Variants in FAM120B observed in about 807,000 individuals in gnomAD.
The protein encoded by FAM120B is family with sequence similarity 120 member B, also known as constitutive coactivator of peroxisome proliferator-activated receptor gamma.
In FAM120B, 83 loss-of-function variants were observed where a neutral mutation model predicts 96.3. That is an observed-to-expected ratio of 0.86 (90% confidence interval 0.72 to 1.03). The LOEUF (loss-of-function observed/expected upper bound fraction) is 1.03, where lower values mean the gene tolerates loss of function less well. Ranked by LOEUF, FAM120B falls within the 50% of genes least tolerant of loss-of-function variation. The pLI is 0.00. For synonymous variants in FAM120B, 407 were observed against 402.7 expected (o/e 1.01, Z -0.13); for missense variants, 1,027 against 1,121.2 (o/e 0.92, Z 1.20).
In FAM120B at chr6:170,323,175, C is replaced by T; in HGVS notation, c.1831C>T (p.Leu611Phe). ...IECSNTLEDE[L>F]DQALPSQAFI... is the part of the protein sequence containing the mutation. The stretch of plus-strand genomic sequence containing the variant: ...ATGCAGCAACACCCTAGAAGATGAG[C>T]TTGACCAGGCCTTACCCAGCCAGGC... Residue 611 changes from leucine to phenylalanine, a missense_variant, in exon 3 of 11, where the codon CTT becomes TTT. Leu to Phe is a conservative substitution (Grantham distance 22). Coordinates refer to ENST00000476287, the MANE Select transcript of FAM120B (RefSeq NM_032448.3). The T allele has an allele frequency of 1.2e-6, 2 of 1,614,140 alleles. No homozygotes were observed. Among genetic ancestry groups the T allele is most frequent in the East Asian group, 2.2e-5 (1 of 44,870 alleles).
At chr6:170,309,625 G>A (rs1047816225) in intron 1 of FAM120B, among the ~76,000 whole-genome samples, 1 of 152,180 alleles carries the variant, frequency 6.6e-6, no homozygotes, top group Non-Finnish European at 1.5e-5. Flanking sequence ...ATAAAAGTGG[G>A]CAGTGTTAAT....
rs1301664203 is a variant in FAM120B, at chr6:170,406,496, A to T, written c.*1745A>T. On this transcript the variant is annotated 3_prime_UTR_variant, in exon 11 of 11. Coordinates refer to ENST00000476287, the MANE Select transcript of FAM120B (RefSeq NM_032448.3). Reference sequence around the variant, plus strand: ...TCTTTCCTTAAAATCCTGAGTGTTTATTAAAAAGGGACATGGTCTCTAGGT... The same window carrying T: ...TCTTTCCTTAAAATCCTGAGTGTTTTTTAAAAAGGGACATGGTCTCTAGGT... 2 of 152,358 alleles carry T rather than the reference A, an allele frequency of 1.3e-5. No homozygotes were observed. The highest frequency in any genetic ancestry group is 4.1e-4 in the South Asian group (2 of 4,828). The allele number at this position is 152,358 out of a possible 1,614,324, so 9.4% of individuals were successfully genotyped here.
chr6:170,307,702 A>G (rs906783464), intron 1 of FAM120B, among the ~76,000 whole-genome samples: 10 of 152,200 alleles, frequency 6.6e-5, no homozygotes, highest in African/African-American at 2.4e-4. Context: ...GGGGCAAGGA[A>G]GTGATGTGAT....
chr6:170,325,536 A>T lies in FAM120B; in HGVS notation c.1915+2277A>T, dbSNP rs371979788. ...CATTTGGATTATTAGATTTACCTTT[A>T]AAAAAAAAAAAAAAAAGTAGTTGGC... On this transcript the variant is annotated intron_variant, in intron 3 of 10. Transcript: ENST00000476287. 0.024 allele frequency among the ~76,000 whole-genome samples: 1,789 copies of T among 74,058 alleles called. 67 individuals are homozygous for T. The East Asian group carries it at 0.45, about 19-fold the overall frequency. 48.6% of individuals were successfully genotyped at this position (74,058 alleles called of 152,430 possible).
chr6:170,306,590 C>G (rs549130677), upstream of FAM120B: 3 of 152,324 alleles, frequency 2.0e-5, no homozygotes, highest in South Asian at 4.1e-4. Flanking sequence ...CCGCGGCGTC[C>G]CACGCCGCCG....
Position 170,295,721 on chromosome 6 carries a change from G to T in FAM120B, c.48+268G>T, listed in dbSNP as rs1288541467. Among the ~76,000 whole-genome samples, 1 of 152,108 alleles carries T rather than the reference G, an allele frequency of 6.6e-6. No homozygotes were observed. Among genetic ancestry groups the T allele is most frequent in the Non-Finnish European group, 1.5e-5 (1 of 67,998 alleles). On this transcript the variant is annotated intron_variant, in intron 1 of 10. Transcript: ENST00000537664. This position sits in a 1 kb window ranked among gnomAD's most constrained non-coding sequence, Gnocchi z 7.8. ...GCCACACGCCCTTTTCCTTTCTCAG[G>T]ATCCGCGGCCGTGCAGAGAACAGGA...
In FAM120B at chr6:170,388,313, G is replaced by A; in HGVS notation, c.2310G>A (p.Val770=). ...CTGATTACATCAACCCCAGAGCCGT[G>A]CAGCTGGGCTCCCTTCTCGTCCGCG... ...LQPDYINPRA[V]QLGSLLVRGL... The change falls in exon 7 of 11, where the codon GTG becomes GTA. Residue 770 remains valine (V), a synonymous_variant. Coordinates refer to ENST00000476287, the MANE Select transcript of FAM120B (RefSeq NM_032448.3). 3 of 1,614,008 alleles carry A rather than the reference G, an allele frequency of 1.9e-6. No homozygotes were observed. The highest frequency in any genetic ancestry group is 2.5e-6 in the Non-Finnish European group (3 of 1,180,034).
At chr6:170,302,069 T>G (rs552569002), upstream of FAM120B, among the ~76,000 whole-genome samples, 388 of 152,346 alleles carry the variant, frequency 2.5e-3, 1 homozygote, top group African/African-American at 8.5e-3. Flanking sequence ...TTTGCTGTAT[T>G]AGTCCATTCT....
At chr6:170,307,257 A>G (rs376883830) in intron 1 of FAM120B, among the ~76,000 whole-genome samples, 10 of 152,284 alleles carry the variant, frequency 6.6e-5, no homozygotes, top group African/African-American at 2.4e-4. Flanking sequence ...TCGTCTCTAG[A>G]AGAGAGAGGC....
intron 9 of FAM120B, among the ~76,000 whole-genome samples, chr6:170,399,722 T>G (rs1778439674): frequency 6.7e-6 from 1 of 148,970 alleles, no homozygotes; most frequent in Admixed American, 6.7e-5. Flanking sequence ...GTGGGAAAGG[T>G]AGAACTATGT....
intron 4 of FAM120B, among the ~76,000 whole-genome samples, chr6:170,343,925 T>TCACC (rs1303491039): frequency 6.6e-6 from 1 of 152,268 alleles, no homozygotes; most frequent in African/African-American, 2.4e-5. Flanking sequence ...TTCAGTCCAT[T>TCACC]TGCTGGCACT....
In FAM120B at chr6:170,380,594, G is replaced by C. The variant is rs142433573; in HGVS notation, c.2284-7693G>C. ...CCGTGGGTTTGATTTGCTTCTCCCT[G>C]GTGATTAGTGTCGGACACCTTGCGT... On this transcript the variant is annotated intron_variant, in intron 6 of 10. Transcript: ENST00000476287. Among the ~76,000 whole-genome samples the C allele has an allele frequency of 2.9e-3, 449 of 152,288 alleles. 1 individual carries two copies. The highest frequency in any genetic ancestry group is 0.01 in the African/African-American group (432 of 41,542).
intron 6 of FAM120B, among the ~76,000 whole-genome samples, chr6:170,366,016 T>G (rs1201643993): frequency 2.6e-5 from 4 of 152,116 alleles, no homozygotes; most frequent in African/African-American, 4.8e-5. Context: ...AGCTGTTTCT[T>G]GTTCTCTGTG....
At position 170,388,487 on chromosome 6, in the gene FAM120B, A is replaced by C. The variant is rs918411369; in HGVS notation, c.2484A>C (p.Glu828Asp). ...GTTATGCTGTGGAGGTTCTTTTAGA[A>C]CAAAATGTGAGTTCACAGACACCTA... ...EKGYAVEVLL[E>D]QNRSRLTKFH... Residue 828 changes from glutamate to aspartate, a missense_variant, in exon 7 of 11, where the codon GAA becomes GAC. Physicochemically the swap from Glu to Asp is conservative, Grantham distance 45. Coordinates refer to ENST00000476287, the MANE Select transcript of FAM120B (RefSeq NM_032448.3). 9 of 1,613,914 alleles carry C rather than the reference A, an allele frequency of 5.6e-6. No individual in the cohort carries two copies. The highest frequency in any genetic ancestry group is 1.7e-5 in the Admixed American group (1 of 60,006).
upstream of FAM120B, among the ~76,000 whole-genome samples, chr6:170,292,009 G>C (rs1372305604): frequency 6.6e-6 from 1 of 152,214 alleles, no homozygotes; most frequent in East Asian, 1.9e-4. This position sits in a 1 kb window ranked among gnomAD's most constrained non-coding sequence, Gnocchi z 6.6. Context: ...TATTGTGCGA[G>C]GCTGAATCAG....
At chr6:170,381,181 CA>C (rs1328134193) in intron 6 of FAM120B, among the ~76,000 whole-genome samples, 1 of 151,956 alleles carries the variant, frequency 6.6e-6, no homozygotes, top group East Asian at 1.9e-4. Context: ...TAAGAAAACA[CA>C]AATTAGTACT....
chr6:170,384,991 A>G (rs1259133667), intron 6 of FAM120B, among the ~76,000 whole-genome samples: 1 of 152,190 alleles, frequency 6.6e-6, no homozygotes, highest in Non-Finnish European at 1.5e-5. Flanking sequence ...CAGTGAACAC[A>G]CTCATCCTAA....
At chr6:170,350,208 C>T (rs546092631) in intron 5 of FAM120B, among the ~76,000 whole-genome samples, 17 of 152,296 alleles carry the variant, frequency 1.1e-4, no homozygotes, top group South Asian at 6.2e-4. Context: ...AGGAGCCAAA[C>T]GGCATCATTC....
At chr6:170,368,630 AT>A (rs745652283) in intron 6 of FAM120B, among the ~76,000 whole-genome samples, 7 of 152,352 alleles carry the variant, frequency 4.6e-5, no homozygotes, top group Non-Finnish European at 1.0e-4. Flanking sequence ...AGAAGGAAAA[AT>A]GCTTTCATTA....
Sources: allele counts gnomAD v4.1 joint callset (sites outside exome capture counted in the v4.1 genomes callset), GRCh38; gene constraint gnomAD v4.1.1; non-coding constraint Gnocchi (gnomAD v3.1); transcripts MANE v1.5; gene names NCBI Gene and HGNC (gene_info 2026-07-23, HGNC 2026-07-21).